The following ARHGAP44 variants were observed in gnomAD, a reference collection of about 807,000 sequenced individuals.
The protein encoded by ARHGAP44 is Rho GTPase activating protein 44.
Under a neutral mutation model 106.8 loss-of-function variants are expected in ARHGAP44, and 43 were observed. That is an observed-to-expected ratio of 0.40 (90% CI 0.32 to 0.52). The LOEUF (loss-of-function observed/expected upper bound fraction) is 0.52, where lower values mean the gene tolerates loss of function less well. Ranked by LOEUF, ARHGAP44 falls within the 20% of genes least tolerant of loss-of-function variation. ARHGAP44 has a pLI of 0.48. For synonymous variants in ARHGAP44, 439 were observed against 410.3 expected, an observed-to-expected ratio of 1.07 and a Z score of -0.85; for missense variants, 866 against 1,050.5, an observed-to-expected ratio of 0.82 and a Z score of 2.43.
rs2039190756 is a variant in ARHGAP44, at chr17:12,958,839, C to T, written c.1465C>T (p.Arg489Cys). 3.7e-6 allele frequency: 6 copies of T among 1,611,676 alleles called. No homozygotes were observed. Among genetic ancestry groups the T allele is most frequent in the East Asian group, 2.2e-5 (1 of 44,810 alleles). ...TGACCGGCGCCAGCCCGAGCAGGCC[C>T]GCCGGCCCCTCAGCGTCGCCACGGA... The part of the protein sequence containing the change: ...PADRRQPEQA[R>C]RPLSVATDNM... The change falls in exon 16 of 21, where the codon CGC (arginine) becomes TGC (cysteine). Residue 489 changes from arginine (R) to cysteine (C), a missense_variant. This residue lies in a region of ARHGAP44 where 448 missense variants were observed against 646.9 expected (regional missense o/e 0.69). Coordinates refer to ENST00000379672, the MANE Select transcript of ARHGAP44 (RefSeq NM_014859.6). The surrounding 1 kb of genome is among the most constrained non-coding windows in gnomAD (Gnocchi z 4.1).
At chr17:12,936,681 C>T (rs758418099) in intron 7 of ARHGAP44, among the ~76,000 whole-genome samples, 3 of 152,200 alleles carry the variant, frequency 2.0e-5, no homozygotes, top group Non-Finnish European at 2.9e-5. Context: ...ATGTGACATA[C>T]GTTTTCCATT....
intron 1 of ARHGAP44, among the ~76,000 whole-genome samples, chr17:12,866,368 A>G (rs1433476826): frequency 6.6e-6 from 1 of 152,136 alleles, no homozygotes; most frequent in Non-Finnish European, 1.5e-5. Context: ...TTTGCTTGTA[A>G]GAGTTTTACC....
chr17:12,984,992 A>G, intron 20 of ARHGAP44, 84 bp downstream of exon 20: 2 of 1,485,700 alleles, frequency 1.3e-6, no homozygotes, highest in South Asian at 1.3e-5. Flanking sequence ...TGTTACTGCC[A>G]GTGAACACAT....
intron 16 of ARHGAP44, among the ~76,000 whole-genome samples, chr17:12,970,790 T>A (rs1367943719): frequency 6.6e-6 from 1 of 152,248 alleles, no homozygotes; most frequent in Non-Finnish European, 1.5e-5. Context: ...ACTGCTGATA[T>A]AACCTTCTAG....
intron 3 of ARHGAP44, among the ~76,000 whole-genome samples, chr17:12,898,307 G>C (rs115184534): frequency 4.3e-4 from 65 of 152,306 alleles, no homozygotes; most frequent in African/African-American, 1.3e-3. Context: ...GTTGAAGTGT[G>C]AGCTCCAGAT....
intron 10 of ARHGAP44, among the ~76,000 whole-genome samples, chr17:12,948,751 C>CACACACACACA (rs200024961): frequency 2.0e-5 from 3 of 147,746 alleles, no homozygotes; most frequent in Non-Finnish European, 4.5e-5. Flanking sequence ...CACACACACA[C>CACACACACACA]CCCCTGTAGA....
intron 15 of ARHGAP44, among the ~76,000 whole-genome samples, chr17:12,957,075 C>CA (rs34883726): frequency 0.086 from 13,103 of 151,538 alleles, 1,302 homozygotes; most frequent in East Asian, 0.48. Context: ...CTCACCCCCT[C>CA]TACCCACTGA....
At chr17:12,804,853 GTAGACATAGAA>G (rs2034225512) in intron 1 of ARHGAP44, among the ~76,000 whole-genome samples, 1 of 152,196 alleles carries the variant, frequency 6.6e-6, no homozygotes, top group Non-Finnish European at 1.5e-5. Flanking sequence ...TGTCTGGAAT[GTAGACATAGAA>G]TAGACTCAAG....
chr17:12,892,181 C>T (rs1344280448), intron 1 of ARHGAP44, among the ~76,000 whole-genome samples: 1 of 152,178 alleles, frequency 6.6e-6, no homozygotes, highest in East Asian at 1.9e-4. Flanking sequence ...TTGTCTTGAT[C>T]TCCCCTTCAT....
chr17:12,816,959 G>A (rs59566539), intron 1 of ARHGAP44, among the ~76,000 whole-genome samples: 1 of 152,070 alleles, frequency 6.6e-6, no homozygotes, highest in Non-Finnish European at 1.5e-5. Context: ...GATATACAGA[G>A]GATACATATT....
Position 12,813,387 on chromosome 17 carries a change from CAA to C in ARHGAP44, c.53+23497_53+23498del, listed in dbSNP as rs894321979. On this transcript the variant is annotated intron_variant, in intron 1 of 20. Transcript: ENST00000379672. ...GGAGATAAGAAGGAAGAGAGAAAAA[CAA>C]GAGGAGTACCTCAGTGGAGGAGTGT... Among the ~76,000 whole-genome samples, 11 of 150,752 alleles carry C rather than the reference CAA, an allele frequency of 7.3e-5. 1 individual carries two copies. Among genetic ancestry groups the C allele is most frequent in the African/African-American group, 2.4e-4 (10 of 40,966 alleles).
intron 13 of ARHGAP44, 139 bp downstream of exon 13, chr17:12,952,720 C>CTTT: frequency 9.1e-6 from 3 of 331,146 alleles, no homozygotes; most frequent in Middle Eastern, 8.9e-4. Context: ...CATGCATGGT[C>CTTT]TCTTTTTTTT....
At chr17:12,979,082 G>C (rs768140465) in intron 18 of ARHGAP44, among the ~76,000 whole-genome samples, 21 of 152,238 alleles carry the variant, frequency 1.4e-4, no homozygotes, top group Non-Finnish European at 2.9e-4. Context: ...TCAGAATCCA[G>C]GTAGGTTCTA....
At chr17:12,834,850 A>C (rs1597909258) in intron 1 of ARHGAP44, among the ~76,000 whole-genome samples, 1 of 152,336 alleles carries the variant, frequency 6.6e-6, no homozygotes, top group East Asian at 1.9e-4. Context: ...CCTTATTATT[A>C]ATAATGTAAA....
At chr17:12,796,251 C>A (rs1018937002) in intron 1 of ARHGAP44, among the ~76,000 whole-genome samples, 5 of 151,668 alleles carry the variant, frequency 3.3e-5, no homozygotes, top group African/African-American at 1.2e-4. Flanking sequence ...TGGATATGAT[C>A]CCATGTCAAT....
chr17:12,929,133 C>T, intron 7 of ARHGAP44, 87 bp downstream of exon 7: 1 of 1,244,500 alleles, frequency 8.0e-7, no homozygotes, highest in East Asian at 2.6e-5. Flanking sequence ...TCTCTTAAAA[C>T]TCTGTCAGTG....
chr17:12,875,725 C>A (rs56401613), intron 1 of ARHGAP44, among the ~76,000 whole-genome samples: 28,657 of 152,158 alleles, frequency 0.19, 3,197 homozygotes, highest in Middle Eastern at 0.29. Context: ...AGGTGGATCA[C>A]CTGAGGTCAG....
intron 1 of ARHGAP44, among the ~76,000 whole-genome samples, chr17:12,800,359 A>C (rs2034053615): frequency 6.6e-6 from 1 of 152,172 alleles, no homozygotes; most frequent in Non-Finnish European, 1.5e-5. Context: ...TAGTTATTGT[A>C]TCACTCAATT....
intron 7 of ARHGAP44, among the ~76,000 whole-genome samples, chr17:12,936,271 C>G (rs2038546139): frequency 2.6e-5 from 4 of 152,158 alleles, no homozygotes; most frequent in Admixed American, 2.6e-4. Flanking sequence ...GGGGCTTTGA[C>G]AAATGTATGT....
Sources: allele counts gnomAD v4.1 joint callset (sites outside exome capture counted in the v4.1 genomes callset), GRCh38; gene constraint gnomAD v4.1.1; regional missense constraint gnomAD v4.1.1; non-coding constraint Gnocchi (gnomAD v3.1); transcripts MANE v1.5; gene names NCBI Gene and HGNC (gene_info 2026-07-23, HGNC 2026-07-21).